The following HDAC5 variants were observed in gnomAD, a reference collection of about 807,000 sequenced individuals.
The protein encoded by HDAC5 is histone deacetylase 5, also known as antigen NY-CO-9.
HDAC5 carries 25 observed loss-of-function variants against 133.3 expected under a neutral mutation model. That is an observed-to-expected ratio of 0.19 (90% confidence interval 0.14 to 0.26). The LOEUF (loss-of-function observed/expected upper bound fraction) is 0.26. Among genes scored for constraint, HDAC5 ranks in the 10% least tolerant of loss-of-function variants. The pLI is 1.00. For synonymous variants in HDAC5, 589 were observed against 610.8 expected, an observed-to-expected ratio of 0.96 and a Z score of 0.53; for missense variants, 1,041 against 1,460.5, an observed-to-expected ratio of 0.71 and a Z score of 4.68.
intron 1 of HDAC5, among the ~76,000 whole-genome samples, chr17:44,118,070 G>A (rs1249767891): frequency 1.3e-5 from 2 of 152,194 alleles, no homozygotes; most frequent in Admixed American, 6.5e-5. Flanking sequence ...CCATAGCAGT[G>A]GGGAGATGCA....
chr17:44,092,813 T>TGGGGGGCCCCCGGGGGG lies in HDAC5; in HGVS notation c.642-8_642-7insCCCCCCGGGGGCCCCCC. The stretch of plus-strand genomic sequence containing the variant: ...AGAAGCATGGTGGGCTCCCCTGGGG[T>TGGGGGGCCCCCGGGGGG]GGGGGGGGGGTGGGGATGGAAGCAG... On this transcript the variant is annotated splice_region_variant and splice_polypyrimidine_tract_variant and intron_variant, in intron 6 of 26. Transcript: ENST00000682912. 2.5e-6 allele frequency: 1 copy of TGGGGGGCCCCCGGGGGG among 403,434 alleles called. No individual in the cohort carries two copies. Among genetic ancestry groups the TGGGGGGCCCCCGGGGGG allele is most frequent in the South Asian group, 5.2e-5 (1 of 19,342 alleles). The allele number at this position is 403,434 out of a possible 1,614,324, so 25.0% of individuals were successfully genotyped here.
Position 44,078,491 on chromosome 17 carries a change from G to A in HDAC5, c.3329+9C>T. On this transcript the variant is annotated intron_variant, in intron 26 of 26. Transcript: ENST00000682912. ...TGAGGGCAGAGAGGTGGTGCGGGTT[G>A]CTGCTTACCTGGGGCTGTGTTCCCG... is the stretch of plus-strand genomic sequence containing the variant. 6.2e-7 allele frequency: 1 copy of A among 1,601,666 alleles called. No individual in the cohort carries two copies. The highest frequency in any genetic ancestry group is 8.5e-7 in the Non-Finnish European group (1 of 1,172,952).
At chr17:44,084,765 C>G in intron 15 of HDAC5, 90 bp from the exon 16 acceptor site, 1 of 1,517,872 alleles carries the variant, frequency 6.6e-7, no homozygotes, top group Admixed American at 1.9e-5. Context: ...AGAGCCACTT[C>G]CTGGCCTCAG....
At chr17:44,092,602 G>A in intron 7 of HDAC5, 74 bp downstream of exon 7, 1 of 1,552,666 alleles carries the variant, frequency 6.4e-7, no homozygotes, top group Non-Finnish European at 8.8e-7. Flanking sequence ...TGGGGTCAGG[G>A]CTGACACTGC....
chr17:44,078,747 C>T (rs1217323454), intron 25 of HDAC5, 48 bp downstream of exon 25: 1 of 1,611,482 alleles, frequency 6.2e-7, no homozygotes. Context: ...CTCCCACAAG[C>T]TCCGTGCCCC....
Position 44,117,416 on chromosome 17 carries a change from GC to G in HDAC5, c.22+77del. ...TAGCTCAGACAGTAAAGGTCAGCTG[GC>G]CTGGAAGGGAAACCCACACAGCCCA... On this transcript the variant is annotated intron_variant, in intron 2 of 26. Transcript: ENST00000682912. The surrounding 1 kb of genome is among the most constrained non-coding windows in gnomAD (Gnocchi z 4.2). 6.8e-7 allele frequency: 1 copy of G among 1,471,348 alleles called. No homozygotes were observed. The highest frequency in any genetic ancestry group is 9.5e-7 in the Non-Finnish European group (1 of 1,049,746). The allele number at this position is 1,471,348 out of a possible 1,614,324, so 91.1% of individuals were successfully genotyped here.
chr17:44,111,326 G>A, intron 2 of HDAC5: 1 of 329,728 alleles, frequency 3.0e-6, no homozygotes, highest in East Asian at 7.8e-5. Flanking sequence ...GCTGCGGGCG[G>A]GCTGCCAGGA....
intron 3 of HDAC5, among the ~76,000 whole-genome samples, chr17:44,094,164 A>T (rs2051112878): frequency 6.6e-6 from 1 of 151,982 alleles, no homozygotes. Context: ...CACTACTAAA[A>T]ATACAAAAAT....
At chr17:44,097,310 A>G (rs533146359) in intron 3 of HDAC5, among the ~76,000 whole-genome samples, 5 of 152,378 alleles carry the variant, frequency 3.3e-5, no homozygotes, top group African/African-American at 1.2e-4. Flanking sequence ...TCCCCCAGGC[A>G]TGGTTGGGAA....
At chr17:44,122,300 G>A (rs2053060131) in intron 1 of HDAC5, among the ~76,000 whole-genome samples, 1 of 152,128 alleles carries the variant, frequency 6.6e-6, no homozygotes, top group Non-Finnish European at 1.5e-5. Flanking sequence ...GACCCAGACT[G>A]CAATCCTGCA....
At chr17:44,115,901 C>T (rs1427021098) in intron 2 of HDAC5, 1 of 152,256 alleles carries the variant, frequency 6.6e-6, no homozygotes, top group East Asian at 1.9e-4. Context: ...CTGCCAGCCT[C>T]CTGCGTTGGT....
intron 21 of HDAC5, 125 bp downstream of exon 21, chr17:44,080,638 C>A: frequency 6.8e-7 from 1 of 1,479,954 alleles, no homozygotes; most frequent in East Asian, 2.3e-5. Context: ...TGTGGTCCTC[C>A]CACTAGGAGC....
chr17:44,105,414 T>G (rs2051872260), intron 3 of HDAC5, among the ~76,000 whole-genome samples: 1 of 152,216 alleles, frequency 6.6e-6, no homozygotes, highest in South Asian at 2.1e-4. Flanking sequence ...AGACTCACAT[T>G]TCCCAGTCCA....
At chr17:44,105,314 G>A (rs1303139198) in intron 3 of HDAC5, among the ~76,000 whole-genome samples, 1 of 152,174 alleles carries the variant, frequency 6.6e-6, no homozygotes, top group Admixed American at 6.5e-5. Context: ...CCTTAAGCTC[G>A]GGATGCAGAG....
intron 3 of HDAC5, among the ~76,000 whole-genome samples, chr17:44,098,428 G>T (rs1334449096): frequency 1.3e-5 from 2 of 152,100 alleles, no homozygotes; most frequent in East Asian, 3.8e-4. Flanking sequence ...CAGTTACCCA[G>T]GGCTGTCTCT....
chr17:44,114,439 G>T (rs575976596), intron 2 of HDAC5, among the ~76,000 whole-genome samples: 2 of 136,602 alleles, frequency 1.5e-5, no homozygotes, highest in African/African-American at 6.7e-5. Context: ...AGCAGGCGTG[G>T]GGGGGGGGGG....
In HDAC5 at chr17:44,080,492, C is replaced by T; in HGVS notation, c.2734G>A (p.Gly912Arg). 1 of 1,614,116 alleles carries T rather than the reference C, an allele frequency of 6.2e-7. No homozygotes were observed. Among genetic ancestry groups the T allele is most frequent in the East Asian group, 2.2e-5 (1 of 44,886 alleles). The change falls in exon 22 of 27, where the codon GGA becomes AGA. Residue 912 changes from glycine to arginine, a missense_variant. Physicochemically the swap from Gly to Arg is moderately radical, Grantham distance 125. Around this residue, in one of 9 missense-constraint regions of HDAC5, gnomAD observed 174 missense variants for 352.7 expected, o/e 0.49. Coordinates refer to ENST00000682912, the MANE Select transcript of HDAC5 (RefSeq NM_005474.5). The stretch of plus-strand genomic sequence containing the variant: ...ACATTGTACCCCACGCCTGGTCCTC[C>T]ACCAACCTGGCACCAGAGTTGGGGA... ...PGSGAPEEVG[G>R]GPGVGYNVNV... is the part of the protein sequence containing the mutation.
At chr17:44,103,717 T>C (rs1224249432) in intron 3 of HDAC5, among the ~76,000 whole-genome samples, 5 of 151,976 alleles carry the variant, frequency 3.3e-5, no homozygotes, top group African/African-American at 1.2e-4. Flanking sequence ...TTTTCTTTTT[T>C]TTTTTTTTGA....
At chr17:44,113,207 G>C (rs979527397) in intron 2 of HDAC5, among the ~76,000 whole-genome samples, 1 of 152,216 alleles carries the variant, frequency 6.6e-6, no homozygotes, top group Non-Finnish European at 1.5e-5. Flanking sequence ...GAAGGCGTCA[G>C]TTACCAGGAC....
Sources: gnomAD v4.1 joint callset for allele counts (sites outside exome capture counted in the v4.1 genomes callset) on GRCh38, gnomAD v4.1.1 for gene constraint, gnomAD v4.1.1 regional missense constraint, Gnocchi (gnomAD v3.1) non-coding constraint, MANE v1.5 for transcripts, NCBI Gene and HGNC (gene_info 2026-07-23, HGNC 2026-07-21) for gene names.